Variants in ZFYVE9 observed in about 807,000 individuals in gnomAD.
ZFYVE9 encodes the protein zinc finger FYVE domain-containing protein 9.
ZFYVE9 carries 43 observed loss-of-function variants against 126.7 expected under a neutral mutation model. The observed-to-expected ratio is 0.34, with a 90% CI of 0.27 to 0.44. The LOEUF is 0.44. ZFYVE9 is among the 20% of genes least tolerant of loss of function. The pLI, the probability that ZFYVE9 is intolerant of heterozygous loss-of-function variation, is 1.00. For synonymous variants in ZFYVE9, 521 were observed against 597.4 expected, an observed-to-expected ratio of 0.87 and a Z score of 1.87; for missense variants, 1,476 against 1,697.0, an observed-to-expected ratio of 0.87 and a Z score of 2.29.
At chr1:52,261,228 T>TTC (rs1645576954) in intron 4 of ZFYVE9, among the ~76,000 whole-genome samples, 4 of 143,684 alleles carry the variant, frequency 2.8e-5, no homozygotes, top group Middle Eastern at 3.6e-3. Context: ...CTTTCTTTCT[T>TTC]TTTTTTTTTT....
At position 52,293,395 on chromosome 1, in the gene ZFYVE9, A is replaced by AAAAG. The variant is rs1553133180; in HGVS notation, c.3026-54_3026-51dup. ...CCGTCTCAAAAAAAAAAAAAAAAAA[A>AAAAG]AAAGAAATATGATTAATTTATTGAT... On this transcript the variant is annotated intron_variant, in intron 10 of 18. Coordinates refer to ENST00000287727, the MANE Select transcript of ZFYVE9 (RefSeq NM_004799.4). 917 of 1,317,980 alleles carry AAAAG rather than the reference A, an allele frequency of 7.0e-4. No individual in the cohort carries two copies. In the African/African-American group the frequency reaches 7.5e-3, roughly 11 times the overall value. The allele number at this position is 1,317,980 out of a possible 1,614,324, so 81.6% of individuals were successfully genotyped here.
At chr1:52,336,586 T>G (rs1646391872) in intron 15 of ZFYVE9, among the ~76,000 whole-genome samples, 1 of 152,000 alleles carries the variant, frequency 6.6e-6, no homozygotes, top group African/African-American at 2.4e-5. Flanking sequence ...CTTGAACTCC[T>G]GACCTCAAAT....
intron 9 of ZFYVE9, among the ~76,000 whole-genome samples, chr1:52,279,246 C>A (rs1275185466): frequency 5.3e-5 from 8 of 152,188 alleles, no homozygotes. Flanking sequence ...TCACAACTTA[C>A]CACCAGAATA....
intron 10 of ZFYVE9, 136 bp downstream of exon 10, chr1:52,281,952 T>A (rs1645809656): frequency 1.1e-6 from 1 of 929,154 alleles, no homozygotes; most frequent in Non-Finnish European, 1.7e-6. Context: ...GTTGAAGCTT[T>A]CCATGGTTTG....
chr1:52,264,394 C>T (rs1266539543), intron 5 of ZFYVE9, among the ~76,000 whole-genome samples: 3 of 152,228 alleles, frequency 2.0e-5, no homozygotes, highest in African/African-American at 7.2e-5. Context: ...TTTAATGCTA[C>T]TTAGATTTGC....
chr1:52,292,926 C>G (rs1192481213), intron 10 of ZFYVE9, among the ~76,000 whole-genome samples: 1 of 152,084 alleles, frequency 6.6e-6, no homozygotes, highest in Non-Finnish European at 1.5e-5. Context: ...AGTTTATGCT[C>G]ATTAGAAGCC....
intron 1 of ZFYVE9, chr1:52,150,431 TAGATAGA>T (rs1328068970): frequency 6.8e-6 from 1 of 146,216 alleles, no homozygotes; most frequent in African/African-American, 2.5e-5. Flanking sequence ...AATAGATAGA[TAGATAGA>T]TGATAGATGA....
At chr1:52,266,585 A>C (rs559282519) in intron 5 of ZFYVE9, 70 bp from the exon 6 acceptor site, 2 of 1,340,180 alleles carry the variant, frequency 1.5e-6, no homozygotes, top group Admixed American at 4.9e-5. Context: ...TTATTTATCC[A>C]ATATTGTGGA....
chr1:52,261,020 C>CTA (rs1172584360), intron 4 of ZFYVE9, among the ~76,000 whole-genome samples: 1 of 152,008 alleles, frequency 6.6e-6, no homozygotes, highest in Non-Finnish European at 1.5e-5. Flanking sequence ...ACTATTTCCT[C>CTA]TACTATTACT....
At chr1:52,322,905 C>T (rs913231982) in intron 13 of ZFYVE9, among the ~76,000 whole-genome samples, 2 of 151,920 alleles carry the variant, frequency 1.3e-5, no homozygotes, top group East Asian at 3.9e-4. Context: ...CCCAGGTTCA[C>T]GCCATTCTCC....
intron 13 of ZFYVE9, among the ~76,000 whole-genome samples, chr1:52,324,538 T>A (rs533794088): frequency 6.6e-6 from 1 of 152,372 alleles, no homozygotes; most frequent in South Asian, 2.1e-4. Flanking sequence ...CAAAATATTC[T>A]TTTTATATAC....
chr1:52,159,011 C>A (rs1219348059), intron 1 of ZFYVE9, among the ~76,000 whole-genome samples: 1 of 152,090 alleles, frequency 6.6e-6, no homozygotes, highest in Non-Finnish European at 1.5e-5. Context: ...CCAGGATGGT[C>A]TCGATCTCCT....
intron 13 of ZFYVE9, among the ~76,000 whole-genome samples, chr1:52,323,601 C>T (rs1396023127): frequency 6.6e-6 from 1 of 151,556 alleles, no homozygotes; most frequent in Non-Finnish European, 1.5e-5. Context: ...AGCGTGAGAC[C>T]TCAGCTCTAC....
chr1:52,163,892 G>C (rs1479073162), intron 1 of ZFYVE9, among the ~76,000 whole-genome samples: 1 of 152,074 alleles, frequency 6.6e-6, no homozygotes, highest in Non-Finnish European at 1.5e-5. Context: ...TTTCAGATGG[G>C]TAGATATTTA....
chr1:52,262,380 G>T (rs1453132665), intron 4 of ZFYVE9, among the ~76,000 whole-genome samples: 3 of 152,188 alleles, frequency 2.0e-5, no homozygotes, highest in Non-Finnish European at 2.9e-5. Context: ...TGTAACACAT[G>T]TAAAGTGCCT....
intron 4 of ZFYVE9, among the ~76,000 whole-genome samples, chr1:52,261,383 G>C (rs1399991760): frequency 6.6e-6 from 1 of 151,970 alleles, no homozygotes; most frequent in African/African-American, 2.4e-5. Flanking sequence ...GACAATAGGT[G>C]TACTCCTCTA....
At chr1:52,291,836 C>T (rs926611308) in intron 10 of ZFYVE9, among the ~76,000 whole-genome samples, 43 of 148,326 alleles carry the variant, frequency 2.9e-4, no homozygotes, top group African/African-American at 1.1e-3. Flanking sequence ...TGAGATCACA[C>T]CACAGCACTC....
At chr1:52,271,651 A>G (rs982391611) in intron 7 of ZFYVE9, among the ~76,000 whole-genome samples, 1 of 152,296 alleles carries the variant, frequency 6.6e-6, no homozygotes, top group Non-Finnish European at 1.5e-5. Context: ...ATAGTAGGTT[A>G]GAATAGATTA....
At position 52,293,442 on chromosome 1, in the gene ZFYVE9, T is replaced by C. The variant is rs773668351; in HGVS notation, c.3026-11T>C. On this transcript the variant is annotated splice_polypyrimidine_tract_variant and intron_variant, in intron 10 of 18. Transcript: ENST00000287727. ...TGATACAAAGTAGCTAATAAACTTT[T>C]TTGTTTTTAGGGAATGTGGTGAGCA... 6 of 1,592,864 alleles carry C rather than the reference T, an allele frequency of 3.8e-6. No individual in the cohort carries two copies. Among genetic ancestry groups the C allele is most frequent in the African/African-American group, 2.7e-5 (2 of 73,696 alleles).
Sources: allele counts gnomAD v4.1 joint callset (sites outside exome capture counted in the v4.1 genomes callset), GRCh38; gene constraint gnomAD v4.1.1; transcripts MANE v1.5; gene names NCBI Gene and HGNC (gene_info 2026-07-23, HGNC 2026-07-21).